Variants in TTC39B observed in about 807,000 individuals in gnomAD.
TTC39B encodes the protein tetratricopeptide repeat domain 39B.
In TTC39B, 92 loss-of-function variants were observed where a neutral mutation model predicts 96.6. The observed-to-expected ratio is 0.95, with a 90% CI of 0.80 to 1.13. The LOEUF (loss-of-function observed/expected upper bound fraction) is 1.13, where lower values mean the gene tolerates loss of function less well. Ranked by LOEUF, TTC39B falls within the 50% of genes most tolerant of loss-of-function variation. TTC39B has a pLI of 0.00. For synonymous variants in TTC39B, 367 were observed against 299.4 expected (o/e 1.23, Z -2.33); for missense variants, 955 against 809.3 (o/e 1.18, Z -2.18).
chr9:15,242,256 G>A (rs1822077120), intron 2 of TTC39B, among the ~76,000 whole-genome samples: 1 of 152,116 alleles, frequency 6.6e-6, no homozygotes, highest in Non-Finnish European at 1.5e-5. Context: ...CCTATCTGAT[G>A]GTCTAGACAT....
At chr9:15,218,632 T>TAAAAAAAATATA (rs545882970) in intron 3 of TTC39B, among the ~76,000 whole-genome samples, 11 of 105,152 alleles carry the variant, frequency 1.0e-4, no homozygotes, top group African/African-American at 2.8e-4. Context: ...TTAGTCTATT[T>TAAAAAAAATATA]TAAATATATA....
intron 4 of TTC39B, among the ~76,000 whole-genome samples, chr9:15,212,281 A>G (rs1033152909): frequency 6.6e-6 from 1 of 151,988 alleles, no homozygotes; most frequent in Non-Finnish European, 1.5e-5. Flanking sequence ...TGAGGGCACT[A>G]TCTGTTCAAA....
At chr9:15,200,057 G>T in intron 7 of TTC39B, 132 bp from the exon 8 acceptor site, 2 of 509,646 alleles carry the variant, frequency 3.9e-6, no homozygotes, top group Non-Finnish European at 3.5e-6. Flanking sequence ...ACATAATTTT[G>T]AAATTAACAC....
chr9:15,213,372 A>C (rs1820318931), intron 4 of TTC39B, among the ~76,000 whole-genome samples: 1 of 152,228 alleles, frequency 6.6e-6, no homozygotes, highest in Non-Finnish European at 1.5e-5. Context: ...CCTGTGAAAC[A>C]ATAGCTGACC....
At chr9:15,243,332 G>T (rs1309823336) in intron 2 of TTC39B, among the ~76,000 whole-genome samples, 1 of 152,202 alleles carries the variant, frequency 6.6e-6, no homozygotes, top group Non-Finnish European at 1.5e-5. Flanking sequence ...ACCACTTAAT[G>T]TGCTTTTCTG....
At chr9:15,205,949 A>T (rs1026948521) in intron 6 of TTC39B, among the ~76,000 whole-genome samples, 1 of 152,162 alleles carries the variant, frequency 6.6e-6, no homozygotes, top group African/African-American at 2.4e-5. Context: ...TCAAGGCTCA[A>T]TTATAAGTGG....
intron 1 of TTC39B, among the ~76,000 whole-genome samples, chr9:15,298,659 T>C (rs1824469023): frequency 6.6e-6 from 1 of 152,174 alleles, no homozygotes; most frequent in Non-Finnish European, 1.5e-5. Flanking sequence ...GTGGGGATTA[T>C]GTGAGCTATG....
intron 14 of TTC39B, 137 bp from the exon 15 acceptor site, chr9:15,187,172 T>A: frequency 1.7e-6 from 1 of 594,180 alleles, no homozygotes; most frequent in Non-Finnish European, 2.9e-6. Flanking sequence ...TGAAATCTTA[T>A]ATTCCCTGTT....
intron 3 of TTC39B, among the ~76,000 whole-genome samples, 168 bp from the exon 4 acceptor site, chr9:15,214,417 G>GA (rs1162249156): frequency 1.3e-5 from 2 of 151,058 alleles, no homozygotes; most frequent in Non-Finnish European, 2.9e-5. Flanking sequence ...TTATACATAG[G>GA]AAAAAAATGT....
chr9:15,185,330 G>A lies in TTC39B; in HGVS notation c.1564C>T (p.Arg522Cys), dbSNP rs576484227. ...GGTGCAGGTAAGGAGGCGGAGTAAC[G>A]CCGAGCCTTCCTCACAGCAAACTTC... The change falls in exon 16 of 20, where the codon CGT (arginine) becomes TGT (cysteine). Residue 522 changes from arginine (R) to cysteine (C), a missense_variant. Physicochemically the swap from Arg to Cys is radical, Grantham distance 180 (BLOSUM62 -3). Transcript: ENST00000512701. 17 of 1,613,826 alleles carry A rather than the reference G, an allele frequency of 1.1e-5. No individual in the cohort carries two copies. Among genetic ancestry groups the A allele is most frequent in the East Asian group, 2.2e-5 (1 of 44,868 alleles).
intron 2 of TTC39B, chr9:15,250,099 C>G (rs1305841137): frequency 7.1e-6 from 9 of 1,267,704 alleles, no homozygotes; most frequent in Non-Finnish European, 9.2e-6. Flanking sequence ...ACTCTCAATT[C>G]TCAGGCACAA....
intron 1 of TTC39B, among the ~76,000 whole-genome samples, chr9:15,284,640 T>C (rs961023347): frequency 6.6e-6 from 1 of 152,220 alleles, no homozygotes; most frequent in Non-Finnish European, 1.5e-5. Context: ...TAATAAAAGC[T>C]GGATTTGCAT....
chr9:15,292,703 G>A (rs977215351), intron 1 of TTC39B, among the ~76,000 whole-genome samples: 2 of 152,056 alleles, frequency 1.3e-5, no homozygotes, highest in African/African-American at 4.8e-5. Flanking sequence ...GTGTGTTTAT[G>A]TCTTAGTTCT....
chr9:15,173,793 G>C (rs1438824385), intron 19 of TTC39B, among the ~76,000 whole-genome samples: 1 of 152,098 alleles, frequency 6.6e-6, no homozygotes, highest in Non-Finnish European at 1.5e-5. Context: ...TTCATGCTAA[G>C]TATGAACGCC....
Position 15,306,246 on chromosome 9 carries a change from G to C in TTC39B, c.240+838C>G, listed in dbSNP as rs1824748504. Among the ~76,000 whole-genome samples the C allele has an allele frequency of 6.6e-6, 1 of 152,340 alleles. No homozygotes were observed. The highest frequency in any genetic ancestry group is 1.9e-4 in the East Asian group (1 of 5,174). On this transcript the variant is annotated intron_variant, in intron 1 of 19. Transcript: ENST00000512701. The surrounding 1 kb of genome is among the most constrained non-coding windows in gnomAD (Gnocchi z 5.1). ...CCTCGGTCTCAACTTCAAGAGCAGG[G>C]AGAGCGCTGTCTCTGGAGTTGCCAG...
chr9:15,206,967 A>G lies in TTC39B; in HGVS notation c.692-3077T>C, dbSNP rs561601083. On this transcript the variant is annotated intron_variant, in intron 6 of 19. Coordinates refer to ENST00000512701, the Ensembl canonical transcript of TTC39B. ...GGGTGGTTTCTCCCATGCTGTTCTC[A>G]TGACAGTGAGTGAGTTCTCACGAGA... is the stretch of plus-strand genomic sequence containing the variant. Among the ~76,000 whole-genome samples, 14 of 152,270 alleles carry G rather than the reference A, an allele frequency of 9.2e-5. 1 individual carries two copies. The South Asian group carries it at 2.9e-3, about 32-fold the overall frequency.
At chr9:15,293,948 C>T (rs6474902) in intron 1 of TTC39B, among the ~76,000 whole-genome samples, 74,708 of 152,000 alleles carry the variant, frequency 0.49, 18,515 homozygotes, top group East Asian at 0.64. Flanking sequence ...TTTCCTTTCT[C>T]TGTCCATAAA....
rs190847685 is a variant in TTC39B, at chr9:15,268,344, G to C, written c.241-396C>G. 1.6e-3 allele frequency among the ~76,000 whole-genome samples: 247 copies of C among 152,134 alleles called. 1 individual carries two copies. Among genetic ancestry groups the C allele is most frequent in the Admixed American group, 3.9e-3 (60 of 15,278 alleles). On this transcript the variant is annotated intron_variant, in intron 1 of 19. Transcript: ENST00000512701. ...GGCTAGCCAAGTGAGCATCCTCTGG[G>C]CCTTCATTTCACATATTGCACCACC...
chr9:15,274,498 G>A (rs896784265), intron 1 of TTC39B, among the ~76,000 whole-genome samples: 1 of 152,158 alleles, frequency 6.6e-6, no homozygotes, highest in Non-Finnish European at 1.5e-5. Flanking sequence ...GGTTTGCAAA[G>A]GACAAGCACC....
Sources: allele counts gnomAD v4.1 joint callset (sites outside exome capture counted in the v4.1 genomes callset), GRCh38; gene constraint gnomAD v4.1.1; non-coding constraint Gnocchi (gnomAD v3.1); transcripts MANE v1.5; gene names NCBI Gene and HGNC (gene_info 2026-07-23, HGNC 2026-07-21).